PPARGC1A: variants seen among roughly 807,000 people sequenced by gnomAD.
PPARGC1A encodes the protein PPARG coactivator 1 alpha.
In PPARGC1A, 25 loss-of-function variants were observed where a neutral mutation model predicts 88.7. The ratio of observed to expected loss-of-function variants is 0.28; its 90% CI spans 0.21 to 0.39. The LOEUF (loss-of-function observed/expected upper bound fraction) is 0.39. Ranked by LOEUF, PPARGC1A falls within the 10% of genes least tolerant of loss-of-function variation. The pLI, the probability that PPARGC1A is intolerant of heterozygous loss-of-function variation, is 1.00. For synonymous variants in PPARGC1A, 363 were observed against 355.6 expected (o/e 1.02, Z -0.24); for missense variants, 880 against 968.7 (o/e 0.91, Z 1.22).
chr4:24,238,850 G>C, the PPARGC1A span, among the ~76,000 whole-genome samples: 2 of 145,654 alleles, frequency 1.4e-5, no homozygotes, highest in South Asian at 4.5e-4. Context: ...ATTACATGTA[G>C]GTGTGTACCC....
At chr4:24,066,676 C>T in the PPARGC1A span, among the ~76,000 whole-genome samples, 1 of 152,118 alleles carries the variant, frequency 6.6e-6, no homozygotes, top group Non-Finnish European at 1.5e-5. Flanking sequence ...ACCAAGAACC[C>T]ATACACTGTG....
At chr4:24,003,225 C>A in the PPARGC1A span, among the ~76,000 whole-genome samples, 1 of 152,112 alleles carries the variant, frequency 6.6e-6, no homozygotes, top group Admixed American at 6.6e-5. Context: ...TCCTCTAATC[C>A]AGAGTGCAAT....
At chr4:24,443,789 C>G in the PPARGC1A span, among the ~76,000 whole-genome samples, 1 of 149,860 alleles carries the variant, frequency 6.7e-6, no homozygotes, top group Middle Eastern at 3.4e-3. Flanking sequence ...CTCCTGACCT[C>G]GTGATCCGCC....
chr4:24,346,435 T>A, the PPARGC1A span, among the ~76,000 whole-genome samples: 7 of 152,160 alleles, frequency 4.6e-5, no homozygotes, highest in Admixed American at 2.0e-4. Flanking sequence ...AGTAAATTTT[T>A]AATTACCGTT....
At chr4:23,879,541 C>T (rs1443036069) in intron 2 of PPARGC1A, among the ~76,000 whole-genome samples, 1 of 152,110 alleles carries the variant, frequency 6.6e-6, no homozygotes, top group African/African-American at 2.4e-5. Flanking sequence ...TCCTTACCAC[C>T]TCTCTCTCTA....
chr4:24,422,025 G>A, the PPARGC1A span, among the ~76,000 whole-genome samples: 1 of 152,270 alleles, frequency 6.6e-6, no homozygotes, highest in Admixed American at 6.5e-5. Flanking sequence ...ATAATGAGTC[G>A]TACTAAAAGG....
the PPARGC1A span, among the ~76,000 whole-genome samples, chr4:24,133,346 T>C: frequency 6.6e-6 from 1 of 152,238 alleles, no homozygotes; most frequent in Non-Finnish European, 1.5e-5. Context: ...AATCTTCAAA[T>C]GCAAGTCTAG....
At chr4:24,284,797 G>A in the PPARGC1A span, among the ~76,000 whole-genome samples, 2 of 152,218 alleles carry the variant, frequency 1.3e-5, no homozygotes, top group Non-Finnish European at 2.9e-5. Context: ...GGGAGGCCAA[G>A]GCAGACGGAT....
chr4:24,072,076 T>C, the PPARGC1A span, among the ~76,000 whole-genome samples: 1 of 150,102 alleles, frequency 6.7e-6, no homozygotes, highest in Non-Finnish European at 1.5e-5. Context: ...CATAGGACCA[T>C]TGTTTCCTAG....
intron 1 of PPARGC1A, among the ~76,000 whole-genome samples, chr4:23,896,801 G>A (rs1037039069): frequency 2.0e-5 from 3 of 152,116 alleles, no homozygotes; most frequent in Non-Finnish European, 2.9e-5. Context: ...TTGAGAAGAG[G>A]GTCTACCAAC....
At chr4:24,296,224 T>C in the PPARGC1A span, among the ~76,000 whole-genome samples, 2 of 150,702 alleles carry the variant, frequency 1.3e-5, no homozygotes, top group Non-Finnish European at 3.0e-5. Context: ...TATATTTATA[T>C]ATATATAGGG....
At chr4:24,146,603 T>A in the PPARGC1A span, among the ~76,000 whole-genome samples, 4 of 152,222 alleles carry the variant, frequency 2.6e-5, no homozygotes, top group Admixed American at 2.6e-4. Flanking sequence ...CATCAGCGTT[T>A]TTTCCCAAAG....
At chr4:23,965,437 C>A in the PPARGC1A span, among the ~76,000 whole-genome samples, 1 of 152,178 alleles carries the variant, frequency 6.6e-6, no homozygotes, top group African/African-American at 2.4e-5. Flanking sequence ...TTAGTGAAAG[C>A]ATAATGAGTA....
intron 5 of PPARGC1A, among the ~76,000 whole-genome samples, chr4:23,825,622 A>T (rs2970855): frequency 0.63 from 95,900 of 151,880 alleles, 30,421 homozygotes; most frequent in Admixed American, 0.69. Flanking sequence ...TTTAAAGTAA[A>T]TTAATCAACC....
chr4:23,811,878 A>G (rs963953926), intron 10 of PPARGC1A, among the ~76,000 whole-genome samples: 2 of 143,060 alleles, frequency 1.4e-5, no homozygotes, highest in South Asian at 2.3e-4. Flanking sequence ...ACCATCACGC[A>G]GAAGAAATGA....
chr4:24,106,466 G>C, the PPARGC1A span, among the ~76,000 whole-genome samples: 1 of 152,178 alleles, frequency 6.6e-6, no homozygotes, highest in African/African-American at 2.4e-5. Flanking sequence ...GTAGCAACTT[G>C]AGCCTCAACA....
the PPARGC1A span, among the ~76,000 whole-genome samples, chr4:24,252,188 T>C: frequency 3.9e-5 from 6 of 152,162 alleles, no homozygotes; most frequent in Non-Finnish European, 8.8e-5. Flanking sequence ...CCAAATATGG[T>C]AATGTTCTAT....
At chr4:24,334,244 A>G in the PPARGC1A span, among the ~76,000 whole-genome samples, 20 of 152,260 alleles carry the variant, frequency 1.3e-4, no homozygotes, top group African/African-American at 4.6e-4. Flanking sequence ...CTTTTCATAC[A>G]CTAACTCCTT....
At chr4:23,931,614 A>T in the PPARGC1A span, among the ~76,000 whole-genome samples, 1 of 152,210 alleles carries the variant, frequency 6.6e-6, no homozygotes. Flanking sequence ...ATGTCATCTG[A>T]CATTGGATTT....
Sources: gnomAD v4.1 joint callset for allele counts (sites outside exome capture counted in the v4.1 genomes callset) on GRCh38, gnomAD v4.1.1 for gene constraint, MANE v1.5 for transcripts, NCBI Gene and HGNC (gene_info 2026-07-23, HGNC 2026-07-21) for gene names.